The following SCN9A variants were observed in gnomAD, a reference collection of about 807,000 sequenced individuals.
SCN9A encodes the protein sodium channel protein type 9 subunit alpha.
Under a neutral mutation model 187.0 loss-of-function variants are expected in SCN9A, and 131 were observed. The observed-to-expected ratio is 0.70, with a 90% CI of 0.61 to 0.81. The LOEUF is 0.81. Among genes scored for constraint, SCN9A ranks in the 30% least tolerant of loss-of-function variants. SCN9A has a pLI of 0.00. For synonymous variants in SCN9A, 809 were observed against 808.6 expected, an observed-to-expected ratio of 1.00 and a Z score of -0.01; for missense variants, 2,252 against 2,396.6, an observed-to-expected ratio of 0.94 and a Z score of 1.26.
chr2:166,353,427 C>T (rs1700086069), intron 1 of SCN9A, among the ~76,000 whole-genome samples: 1 of 152,106 alleles, frequency 6.6e-6, no homozygotes, highest in African/African-American at 2.4e-5. Flanking sequence ...TACAGAATAA[C>T]CTGTCATGTC....
intron 7 of SCN9A, chr2:166,302,376 C>T (rs1271484004): frequency 6.6e-6 from 1 of 152,148 alleles, no homozygotes; most frequent in Non-Finnish European, 1.5e-5. Context: ...CTGAATTAAG[C>T]AGACTTCTGA....
intron 1 of SCN9A, among the ~76,000 whole-genome samples, chr2:166,335,916 G>A (rs1699615077): frequency 6.6e-6 from 1 of 151,802 alleles, no homozygotes; most frequent in South Asian, 2.1e-4. Flanking sequence ...TTTTTTTCTT[G>A]TCATTATTTC....
At chr2:166,254,054 C>T (rs1004320462) in intron 17 of SCN9A, among the ~76,000 whole-genome samples, 1 of 151,476 alleles carries the variant, frequency 6.6e-6, no homozygotes, top group Non-Finnish European at 1.5e-5. Context: ...AGTAAAAATT[C>T]ACGTGATTTT....
chr2:166,286,469 C>G lies in SCN9A; in HGVS notation c.1469G>C (p.Ser490Thr). ...CTCAGCATCTCCCTTTTCCTCTCCA[C>G]TGGAGAGCTTCTTTTGATTCTTTTT... is the stretch of plus-strand genomic sequence containing the variant. ...RKKKNQKKLS[S>T]GEEKGDAEKL... is the part of the protein sequence containing the mutation. The change falls in exon 11 of 27, where the codon AGT becomes ACT. Residue 490 changes from serine to threonine, a missense_variant. Physicochemically the swap from Ser to Thr is moderately conservative, Grantham distance 58. Transcript: ENST00000642356. The G allele has an allele frequency of 6.2e-7, 1 of 1,613,862 alleles. No homozygotes were observed. Among genetic ancestry groups the G allele is most frequent in the Non-Finnish European group, 8.5e-7 (1 of 1,179,842 alleles).
At chr2:166,242,278 C>T (rs1456244341) in intron 19 of SCN9A, among the ~76,000 whole-genome samples, 1 of 152,100 alleles carries the variant, frequency 6.6e-6, no homozygotes, top group Non-Finnish European at 1.5e-5. Context: ...TTATAGCCAT[C>T]TGGGTGGTCC....
rs1210640325 is a variant in SCN9A at position 166,198,008 on chromosome 2, A to C, written c.*664T>G. On this transcript the variant is annotated 3_prime_UTR_variant, in exon 27 of 27. Transcript: ENST00000642356. ...AAAGGTAAGTCTTATCCTTGTTGGC[A>C]TGTGAGTCAAGATGAATGAAAAACA... is the stretch of plus-strand genomic sequence containing the variant. 1 of 152,208 alleles carries C rather than the reference A, an allele frequency of 6.6e-6. No individual in the cohort carries two copies. The highest frequency in any genetic ancestry group is 1.5e-5 in the Non-Finnish European group (1 of 68,030). The allele number at this position is 152,208 out of a possible 1,614,324, so 9.4% of individuals were successfully genotyped here. A position where few individuals can be genotyped will look rare whatever the true frequency, so the allele number is the denominator to read the frequency against.
At chr2:166,267,387 C>A (rs183144801) in intron 17 of SCN9A, among the ~76,000 whole-genome samples, 2 of 152,048 alleles carry the variant, frequency 1.3e-5, no homozygotes, top group Non-Finnish European at 2.9e-5. Flanking sequence ...AACATCTTTG[C>A]ATCCCTGGGA....
chr2:166,357,614 G>T (rs1407982927), intron 1 of SCN9A, among the ~76,000 whole-genome samples: 1 of 152,134 alleles, frequency 6.6e-6, no homozygotes, highest in East Asian at 1.9e-4. Context: ...CGGCACTCTG[G>T]TTCCAAGAAG....
intron 1 of SCN9A, among the ~76,000 whole-genome samples, chr2:166,367,700 G>A (rs949460383): frequency 2.6e-5 from 4 of 152,150 alleles, no homozygotes; most frequent in South Asian, 2.1e-4. Flanking sequence ...TCATAGCAAA[G>A]TCAAGTCACA....
At chr2:166,243,777 T>C (rs532377645) in intron 18 of SCN9A, among the ~76,000 whole-genome samples, 7 of 151,968 alleles carry the variant, frequency 4.6e-5, no homozygotes, top group Admixed American at 3.9e-4. Flanking sequence ...AAGTAAAGGG[T>C]TATAAGCAGG....
In SCN9A at chr2:166,298,521, G is replaced by A. The variant is rs76140554; in HGVS notation, c.902-3859C>T. 2.7e-4 allele frequency among the ~76,000 whole-genome samples: 41 copies of A among 152,256 alleles called. No homozygotes were observed. The East Asian group carries it at 4.4e-3, about 16-fold the overall frequency. On this transcript the variant is annotated intron_variant, in intron 7 of 26. Coordinates refer to ENST00000642356, the MANE Select transcript of SCN9A (RefSeq NM_001365536.1). The stretch of plus-strand genomic sequence containing the variant: ...GATTGTGAATTTGGAAAGGCATTTC[G>A]GAAAATACTTTGCTATAGGCACCAG...
intron 1 of SCN9A, among the ~76,000 whole-genome samples, chr2:166,367,687 G>A (rs988037409): frequency 6.6e-6 from 1 of 152,040 alleles, no homozygotes; most frequent in Admixed American, 6.6e-5. Flanking sequence ...CAAAATATGC[G>A]AATCATAGCA....
At chr2:166,237,507 A>T (rs1695370427) in intron 20 of SCN9A, among the ~76,000 whole-genome samples, 1 of 152,126 alleles carries the variant, frequency 6.6e-6, no homozygotes, top group African/African-American at 2.4e-5. Flanking sequence ...CATATTTGAG[A>T]TAGAGACAAT....
chr2:166,273,039 G>A (rs1697073682), intron 16 of SCN9A, among the ~76,000 whole-genome samples, 164 bp from the exon 17 acceptor site: 1 of 151,956 alleles, frequency 6.6e-6, no homozygotes, highest in South Asian at 2.1e-4. Flanking sequence ...AGAGACAGAG[G>A]CGAGGGTAGA....
At chr2:166,364,885 C>A (rs954646524) in intron 1 of SCN9A, among the ~76,000 whole-genome samples, 1 of 152,032 alleles carries the variant, frequency 6.6e-6, no homozygotes, top group East Asian at 1.9e-4. Context: ...GTTTTGAGAT[C>A]CGTAAGGCAG....
chr2:166,337,445 T>C (rs1191954667), intron 1 of SCN9A, among the ~76,000 whole-genome samples: 1 of 152,140 alleles, frequency 6.6e-6, no homozygotes, highest in Non-Finnish European at 1.5e-5. Flanking sequence ...ATAGTAACTT[T>C]GGAGACACCA....
intron 2 of SCN9A, among the ~76,000 whole-genome samples, chr2:166,308,251 T>A (rs1698820849): frequency 1.3e-5 from 2 of 152,208 alleles, no homozygotes; most frequent in South Asian, 4.1e-4. Context: ...AAATTATTCA[T>A]CCATTCTTTC....
intron 1 of SCN9A, among the ~76,000 whole-genome samples, chr2:166,348,244 TAAA>T (rs35280187): frequency 1.4e-4 from 20 of 147,388 alleles, no homozygotes; most frequent in African/African-American, 4.9e-4. Flanking sequence ...CTTCCAACAT[TAAA>T]AAAAAAAAAT....
intron 18 of SCN9A, among the ~76,000 whole-genome samples, chr2:166,244,316 G>A (rs540683052): frequency 1.3e-5 from 2 of 152,104 alleles, no homozygotes; most frequent in South Asian, 2.1e-4. Context: ...GGCCAACTCC[G>A]AAACATTCTG....
Sources: gnomAD v4.1 joint callset for allele counts (sites outside exome capture counted in the v4.1 genomes callset) on GRCh38, gnomAD v4.1.1 for gene constraint, MANE v1.5 for transcripts, NCBI Gene and HGNC (gene_info 2026-07-23, HGNC 2026-07-21) for gene names.